Variants in CDIN1 observed in about 807,000 individuals in gnomAD.
The protein encoded by CDIN1 is CDAN1-interacting nuclease 1.
Under a neutral mutation model 45.3 loss-of-function variants are expected in CDIN1, and 33 were observed. That is an observed-to-expected ratio of 0.73 (90% CI 0.55 to 0.97). The LOEUF is 0.97. Ranked by LOEUF, CDIN1 falls within the 50% of genes least tolerant of loss-of-function variation. CDIN1 has a pLI of 0.00. For missense variants in CDIN1, 303 were observed against 339.4 expected, an observed-to-expected ratio of 0.89 and a Z score of 0.84; for synonymous variants, 118 against 124.4, an observed-to-expected ratio of 0.95 and a Z score of 0.34.
chr15:36,715,821 AT>A (rs1278429239), intron 10 of CDIN1, among the ~76,000 whole-genome samples: 1 of 152,122 alleles, frequency 6.6e-6, no homozygotes, highest in Non-Finnish European at 1.5e-5. Flanking sequence ...ACCTCAAAAT[AT>A]TTTATCAGGA....
chr15:36,614,570 C>T (rs1263056987), intron 1 of CDIN1, among the ~76,000 whole-genome samples: 1 of 152,174 alleles, frequency 6.6e-6, no homozygotes, highest in African/African-American at 2.4e-5. Context: ...AATCTAATCC[C>T]TTTCTCACTT....
intron 10 of CDIN1, among the ~76,000 whole-genome samples, chr15:36,718,173 A>T (rs1425847562): frequency 6.6e-6 from 1 of 152,082 alleles, no homozygotes; most frequent in African/African-American, 2.4e-5. Context: ...GTCAAAAATC[A>T]GTTGTTCATA....
intron 10 of CDIN1, among the ~76,000 whole-genome samples, chr15:36,760,714 A>ATGGTGG (rs758404030): frequency 1.8e-5 from 2 of 111,666 alleles, no homozygotes; most frequent in Non-Finnish European, 4.0e-5. Context: ...CATCTAAGAA[A>ATGGTGG]TGGTGGTGGT....
intron 10 of CDIN1, among the ~76,000 whole-genome samples, chr15:36,758,703 A>G (rs1365177610): frequency 6.6e-6 from 1 of 152,196 alleles, no homozygotes; most frequent in African/African-American, 2.4e-5. Context: ...TATGAAATCT[A>G]TCTTTTTAAT....
At chr15:36,775,792 G>A (rs1219423087) in intron 10 of CDIN1, among the ~76,000 whole-genome samples, 1 of 152,136 alleles carries the variant, frequency 6.6e-6, no homozygotes, top group Admixed American at 6.5e-5. Context: ...GATATTTATA[G>A]AAACCTACTT....
At chr15:36,654,054 C>T in intron 3 of CDIN1, 44 bp from the exon 4 acceptor site, 1 of 1,451,960 alleles carries the variant, frequency 6.9e-7, no homozygotes, top group Non-Finnish European at 9.5e-7. Flanking sequence ...TCTATGCTGG[C>T]CTTTTCTTGT....
At chr15:36,588,759 A>G (rs181035880) in intron 1 of CDIN1, among the ~76,000 whole-genome samples, 7 of 152,120 alleles carry the variant, frequency 4.6e-5, no homozygotes, top group African/African-American at 1.4e-4. Flanking sequence ...TTATTATGTT[A>G]GTGTATGGCC....
chr15:36,583,325 TAGCTTAATTTTTTCTCC>T (rs1279536003), intron 1 of CDIN1, among the ~76,000 whole-genome samples: 1 of 152,226 alleles, frequency 6.6e-6, no homozygotes, highest in East Asian at 1.9e-4. Context: ...GGTGAAGATG[TAGCTTAATTTTTTCTCC>T]AGCTTAATTT....
chr15:36,785,460 G>A (rs973610722), intron 10 of CDIN1, among the ~76,000 whole-genome samples: 1 of 151,024 alleles, frequency 6.6e-6, no homozygotes, highest in Non-Finnish European at 1.5e-5. Context: ...TAACCCGGGA[G>A]TCGAGTAGTC....
intron 10 of CDIN1, chr15:36,734,329 A>G (rs141728566): frequency 2.6e-5 from 11 of 424,366 alleles, no homozygotes; most frequent in Middle Eastern, 4.2e-4. Context: ...GAACAATACT[A>G]ATACTATGTA....
At chr15:36,624,150 T>C (rs1025795550) in intron 1 of CDIN1, among the ~76,000 whole-genome samples, 3 of 152,204 alleles carry the variant, frequency 2.0e-5, no homozygotes, top group Admixed American at 2.0e-4. Context: ...CAAAATTTAG[T>C]ATATAACAAA....
At chr15:36,774,163 TGC>T (rs1555407088) in intron 10 of CDIN1, among the ~76,000 whole-genome samples, 38 of 143,134 alleles carry the variant, frequency 2.7e-4, no homozygotes, top group South Asian at 9.0e-4. Flanking sequence ...TGTGTGTGTG[TGC>T]GCGCGCGCGC....
chr15:36,727,220 A>T (rs751386931), intron 10 of CDIN1, among the ~76,000 whole-genome samples: 20 of 152,158 alleles, frequency 1.3e-4, no homozygotes, highest in Non-Finnish European at 2.5e-4. Flanking sequence ...AATTAAGGGT[A>T]AAATTCAGAC....
At chr15:36,695,866 A>C (rs950042546) in intron 7 of CDIN1, among the ~76,000 whole-genome samples, 1 of 150,834 alleles carries the variant, frequency 6.6e-6, no homozygotes, top group East Asian at 1.9e-4. Context: ...GAGGCGGGGG[A>C]CTAATAATAG....
At chr15:36,632,071 G>A (rs1842208419) in intron 1 of CDIN1, among the ~76,000 whole-genome samples, 1 of 152,192 alleles carries the variant, frequency 6.6e-6, no homozygotes, top group Non-Finnish European at 1.5e-5. Context: ...CTCAGCTCAA[G>A]TGATTCTCCT....
chr15:36,603,224 G>A (rs2038194937), intron 1 of CDIN1, among the ~76,000 whole-genome samples: 1 of 152,054 alleles, frequency 6.6e-6, no homozygotes, highest in Non-Finnish European at 1.5e-5. Flanking sequence ...CTCCCCAAAT[G>A]TAGACTGACT....
chr15:36,642,462 C>T (rs2040147734), intron 1 of CDIN1, among the ~76,000 whole-genome samples: 1 of 152,174 alleles, frequency 6.6e-6, no homozygotes, highest in Admixed American at 6.5e-5. Flanking sequence ...TGTAAGCTGG[C>T]AAAAATCACT....
chr15:36,669,298 A>C (rs1264941640), intron 5 of CDIN1, among the ~76,000 whole-genome samples: 1 of 152,060 alleles, frequency 6.6e-6, no homozygotes, highest in Admixed American at 6.6e-5. Context: ...ATACTTCTGG[A>C]ATTCTTATAA....
chr15:36,701,118 GTAGGTAGA>G (rs5811924), intron 8 of CDIN1, among the ~76,000 whole-genome samples: 25,402 of 106,894 alleles, frequency 0.24, 2,270 homozygotes, highest in Middle Eastern at 0.27. Flanking sequence ...AGATAGATAG[GTAGGTAGA>G]TAGATAGATA....
Sources: allele counts gnomAD v4.1 joint callset (sites outside exome capture counted in the v4.1 genomes callset), GRCh38; gene constraint gnomAD v4.1.1; transcripts MANE v1.5; gene names NCBI Gene and HGNC (gene_info 2026-07-23, HGNC 2026-07-21).